WDR27: variants seen among roughly 807,000 people sequenced by gnomAD.
The protein encoded by WDR27 is WD repeat domain 27.
In WDR27, 100 loss-of-function variants were observed where a neutral mutation model predicts 114.4. The ratio of observed to expected loss-of-function variants is 0.87; its 90% CI spans 0.74 to 1.03. The LOEUF (loss-of-function observed/expected upper bound fraction) is 1.03. Among genes scored for constraint, WDR27 ranks in the 50% least tolerant of loss-of-function variants. WDR27 has a pLI of 0.00. For missense variants in WDR27, 1,129 were observed against 1,092.9 expected (o/e 1.03, Z -0.47); for synonymous variants, 449 against 423.1 (o/e 1.06, Z -0.75).
intron 19 of WDR27, among the ~76,000 whole-genome samples, chr6:169,635,392 A>G (rs1817441725): frequency 6.6e-6 from 1 of 152,080 alleles, no homozygotes; most frequent in South Asian, 2.1e-4. Context: ...TCAAAAACAA[A>G]CTTTAGGACT....
intron 19 of WDR27, among the ~76,000 whole-genome samples, chr6:169,634,758 T>C (rs1817262260): frequency 6.6e-6 from 1 of 152,114 alleles, no homozygotes; most frequent in Non-Finnish European, 1.5e-5. Flanking sequence ...ATACAAAAGA[T>C]CCCCCACGCC....
At chr6:169,630,760 G>A (rs1211727121) in intron 21 of WDR27, among the ~76,000 whole-genome samples, 2 of 152,124 alleles carry the variant, frequency 1.3e-5, no homozygotes, top group Non-Finnish European at 2.9e-5. Context: ...CAGGCGTGGT[G>A]GCACGCGCCT....
chr6:169,656,116 T>A (rs1173164889), intron 13 of WDR27, among the ~76,000 whole-genome samples: 1 of 151,002 alleles, frequency 6.6e-6, no homozygotes, highest in Non-Finnish European at 1.5e-5. Flanking sequence ...TGTGGCTGAG[T>A]TTGGGGCTTT....
intron 1 of WDR27, among the ~76,000 whole-genome samples, chr6:169,692,307 A>C (rs1784714081): frequency 6.6e-6 from 1 of 152,188 alleles, no homozygotes; most frequent in South Asian, 2.1e-4. Flanking sequence ...GAGAGGTCAT[A>C]GGGTGAAAGA....
chr6:169,683,204 T>A (rs1225491306), intron 2 of WDR27, among the ~76,000 whole-genome samples: 1 of 151,928 alleles, frequency 6.6e-6, no homozygotes, highest in Admixed American at 6.6e-5. Context: ...TACTGGAAGG[T>A]CAAAAGTTAC....
intron 25 of WDR27, among the ~76,000 whole-genome samples, chr6:169,524,297 T>C (rs1411476628): frequency 6.6e-6 from 1 of 152,194 alleles, no homozygotes; most frequent in African/African-American, 2.4e-5. Flanking sequence ...CATTTTAAAA[T>C]GGAAAGATAT....
At chr6:169,666,478 G>A (rs1827854291) in intron 6 of WDR27, 3 of 985,394 alleles carry the variant, frequency 3.0e-6, no homozygotes, top group Admixed American at 6.1e-5. Flanking sequence ...GACAGAACGT[G>A]CACAAGGGGA....
rs750520237 is a variant in WDR27, at chr6:169,582,824, G to C, written c.2523+12C>G. On this transcript the variant is annotated intron_variant, in intron 24 of 25. Transcript: ENST00000448612. ...GCAGCAGAGGCGCCCCACCCACTCA[G>C]CAAGACTGTACCTGGGGCGCTGATG... 2 of 1,609,398 alleles carry C rather than the reference G, an allele frequency of 1.2e-6. No homozygotes were observed. Among genetic ancestry groups the C allele is most frequent in the African/African-American group, 2.7e-5 (2 of 74,964 alleles).
At chr6:169,490,035 A>G (rs1789542761) in intron 25 of WDR27, among the ~76,000 whole-genome samples, 1 of 152,212 alleles carries the variant, frequency 6.6e-6, no homozygotes, top group Non-Finnish European at 1.5e-5. Flanking sequence ...AGGCCCTCCC[A>G]CAGGGGTCGC....
At chr6:169,507,696 A>G (rs189637596) in intron 25 of WDR27, among the ~76,000 whole-genome samples, 1 of 152,382 alleles carries the variant, frequency 6.6e-6, no homozygotes, top group East Asian at 1.9e-4. Context: ...CCAGTAGATA[A>G]GAATAATGTT....
the WDR27 span, among the ~76,000 whole-genome samples, chr6:169,432,784 C>T: frequency 1.2e-4 from 19 of 152,182 alleles, no homozygotes; most frequent in South Asian, 2.1e-4. Context: ...GTAAAGATAC[C>T]GGAAAATGTG....
chr6:169,667,051 C>A, intron 6 of WDR27, 85 bp downstream of exon 6: 1 of 1,383,062 alleles, frequency 7.2e-7, no homozygotes, highest in South Asian at 1.9e-5. Flanking sequence ...AATGTCCCAG[C>A]TCCATCTTAT....
intron 25 of WDR27, among the ~76,000 whole-genome samples, chr6:169,555,504 C>G (rs1388037150): frequency 6.6e-6 from 1 of 152,098 alleles, no homozygotes; most frequent in Non-Finnish European, 1.5e-5. Flanking sequence ...AAAAAACAAT[C>G]ATCATTTATA....
chr6:169,612,656 A>C (rs1026691694), intron 22 of WDR27, among the ~76,000 whole-genome samples: 3 of 141,168 alleles, frequency 2.1e-5, no homozygotes, highest in African/African-American at 7.7e-5. Context: ...AAAAAAAAGC[A>C]ATGTCTTCTT....
At chr6:169,673,863 C>T (rs569345603) in intron 2 of WDR27, among the ~76,000 whole-genome samples, 5 of 152,258 alleles carry the variant, frequency 3.3e-5, no homozygotes, top group African/African-American at 1.2e-4. Context: ...AAATGTCTGC[C>T]TAGAATACAA....
At chr6:169,655,626 A>G (rs1328836604) in intron 13 of WDR27, among the ~76,000 whole-genome samples, 1 of 152,228 alleles carries the variant, frequency 6.6e-6, no homozygotes, top group African/African-American at 2.4e-5. Context: ...TTGTGATGAA[A>G]GACTTCTCGG....
At chr6:169,532,074 T>TTAGA (rs1795672072) in intron 25 of WDR27, among the ~76,000 whole-genome samples, 1 of 152,344 alleles carries the variant, frequency 6.6e-6, no homozygotes, top group African/African-American at 2.4e-5. Context: ...TATTTAAAGT[T>TTAGA]TAGATACAAC....
At chr6:169,499,858 C>T (rs1790902704) in intron 25 of WDR27, among the ~76,000 whole-genome samples, 1 of 152,194 alleles carries the variant, frequency 6.6e-6, no homozygotes, top group Admixed American at 6.5e-5. Context: ...AGCCCACTGA[C>T]CATGGAAGCT....
intron 25 of WDR27, among the ~76,000 whole-genome samples, chr6:169,571,113 T>C (rs1405460056): frequency 6.6e-6 from 1 of 152,220 alleles, no homozygotes; most frequent in Non-Finnish European, 1.5e-5. Context: ...TTTTATCCCA[T>C]GTAAAAACCA....
Sources: gnomAD v4.1 joint callset for allele counts (sites outside exome capture counted in the v4.1 genomes callset) on GRCh38, gnomAD v4.1.1 for gene constraint, MANE v1.5 for transcripts, NCBI Gene and HGNC (gene_info 2026-07-23, HGNC 2026-07-21) for gene names.